The following NEGR1 variants were observed in gnomAD, a reference collection of about 807,000 sequenced individuals.
NEGR1 encodes the protein IgLON family member 4.
NEGR1 carries 10 observed loss-of-function variants against 40.9 expected under a neutral mutation model. The ratio of observed to expected loss-of-function variants is 0.24; its 90% confidence interval spans 0.15 to 0.42. NEGR1 has a LOEUF of 0.42. Among genes scored for constraint, NEGR1 ranks in the 10% least tolerant of loss-of-function variants. The pLI, the probability that NEGR1 is intolerant of heterozygous loss-of-function variation, is 1.00. For missense variants in NEGR1, 352 were observed against 438.9 expected, an observed-to-expected ratio of 0.80 and a Z score of 1.77; for synonymous variants, 185 against 166.8, an observed-to-expected ratio of 1.11 and a Z score of -0.84.
intron 6 of NEGR1, among the ~76,000 whole-genome samples, chr1:71,465,938 A>G (rs1352937246): frequency 6.6e-6 from 1 of 152,062 alleles, no homozygotes; most frequent in Admixed American, 6.6e-5. Flanking sequence ...AAAAATGATT[A>G]TGGCCAGTTT....
At chr1:71,861,326 T>C (rs1344894955) in intron 2 of NEGR1, among the ~76,000 whole-genome samples, 1 of 151,988 alleles carries the variant, frequency 6.6e-6, no homozygotes, top group Non-Finnish European at 1.5e-5. Context: ...TACACTATTA[T>C]TACAATCTAA....
At chr1:71,628,941 C>A (rs1458025894) in intron 4 of NEGR1, among the ~76,000 whole-genome samples, 1 of 152,008 alleles carries the variant, frequency 6.6e-6, no homozygotes, top group Non-Finnish European at 1.5e-5. Flanking sequence ...GCAATTGGAT[C>A]GCTGGGTGAA....
chr1:71,549,056 A>T (rs1002583449), intron 6 of NEGR1, among the ~76,000 whole-genome samples: 10 of 151,710 alleles, frequency 6.6e-5, no homozygotes, highest in African/African-American at 2.4e-4. Flanking sequence ...TGGACACCAG[A>T]GCTATAAATT....
intron 4 of NEGR1, among the ~76,000 whole-genome samples, chr1:71,690,336 T>TC (rs1484451986): frequency 2.6e-5 from 4 of 151,848 alleles, no homozygotes; most frequent in African/African-American, 9.7e-5. Flanking sequence ...AACTTTTTTT[T>TC]CTAGAAGCAC....
intron 1 of NEGR1, among the ~76,000 whole-genome samples, chr1:72,052,556 C>T (rs1234063050): frequency 6.6e-6 from 1 of 151,372 alleles, no homozygotes; most frequent in African/African-American, 2.4e-5. Context: ...CAATTGATGT[C>T]ACAGGTGATG....
chr1:71,953,338 TAA>T lies in NEGR1; in HGVS notation c.177-18029_177-18028del, dbSNP rs1158326091. On this transcript the variant is annotated intron_variant, in intron 1 of 6. Coordinates refer to ENST00000357731, the MANE Select transcript of NEGR1 (RefSeq NM_173808.3). ...TGCGGTGGAAATAGTAAGACAACTA[TAA>T]CTAGAAGTGGAGCCTGAAGATGTGC... 4.8e-3 allele frequency among the ~76,000 whole-genome samples: 723 copies of T among 151,996 alleles called. 6 individuals carry two copies. The highest frequency in any genetic ancestry group is 0.016 in the African/African-American group (659 of 41,516).
At chr1:71,753,451 C>T (rs898394763) in intron 3 of NEGR1, among the ~76,000 whole-genome samples, 2 of 152,142 alleles carry the variant, frequency 1.3e-5, no homozygotes, top group South Asian at 4.1e-4. Flanking sequence ...AAAGTGGCAG[C>T]AGTCAGTGGT....
intron 4 of NEGR1, among the ~76,000 whole-genome samples, chr1:71,631,771 C>A (rs906609095): frequency 6.6e-6 from 1 of 151,588 alleles, no homozygotes; most frequent in Non-Finnish European, 1.5e-5. Context: ...TATTCTTGAC[C>A]CAGGTAACAT....
In NEGR1 at chr1:71,849,746, T is replaced by G. The variant is rs75582055; in HGVS notation, c.410-73449A>C. Among the ~76,000 whole-genome samples, 157 of 152,182 alleles carry G rather than the reference T, an allele frequency of 1.0e-3. 5 individuals are homozygous for G. In the East Asian group the frequency reaches 0.029, roughly 28 times the overall value. ...CCCAACCTTCAGCAACCACCCCCCA[T>G]CAACATGGAGGCAAGATCCTCCACC... On this transcript the variant is annotated intron_variant, in intron 2 of 6. Transcript: ENST00000357731.
At chr1:71,865,133 C>T (rs1660074587) in intron 2 of NEGR1, among the ~76,000 whole-genome samples, 1 of 152,112 alleles carries the variant, frequency 6.6e-6, no homozygotes, top group Admixed American at 6.6e-5. Flanking sequence ...CCAGTGGCCT[C>T]CTGATTGCCA....
chr1:72,090,756 A>G (rs964782404), intron 1 of NEGR1, among the ~76,000 whole-genome samples: 22 of 152,104 alleles, frequency 1.4e-4, no homozygotes, highest in African/African-American at 5.1e-4. Context: ...TGAATTTGGG[A>G]CACCTGCCTG....
intron 1 of NEGR1, among the ~76,000 whole-genome samples, chr1:72,013,235 A>G (rs907926939): frequency 6.6e-6 from 1 of 152,080 alleles, no homozygotes; most frequent in Non-Finnish European, 1.5e-5. Context: ...TTTGTGGGAA[A>G]AAATCCATCC....
At chr1:71,847,574 G>A (rs574007833) in intron 2 of NEGR1, among the ~76,000 whole-genome samples, 16 of 152,158 alleles carry the variant, frequency 1.1e-4, no homozygotes, top group Non-Finnish European at 2.1e-4. Context: ...GGCACCAAAA[G>A]CAGTGCCCAT....
chr1:71,426,633 C>T (rs1646430305), intron 6 of NEGR1, among the ~76,000 whole-genome samples: 1 of 152,170 alleles, frequency 6.6e-6, no homozygotes, highest in African/African-American at 2.4e-5. Context: ...GATTTCCTTA[C>T]TGTGTGCTTA....
chr1:71,852,601 A>G (rs1254335412), intron 2 of NEGR1, among the ~76,000 whole-genome samples: 3 of 152,082 alleles, frequency 2.0e-5, no homozygotes, highest in African/African-American at 7.2e-5. Context: ...TCCAGACAAT[A>G]GACCACAACT....
chr1:71,847,242 C>T (rs990886443), intron 2 of NEGR1, among the ~76,000 whole-genome samples: 1 of 152,178 alleles, frequency 6.6e-6, no homozygotes, highest in Non-Finnish European at 1.5e-5. Flanking sequence ...TTGATATTTA[C>T]TTAATGATAA....
chr1:71,433,023 C>A (rs932407957), intron 6 of NEGR1, among the ~76,000 whole-genome samples: 2 of 152,146 alleles, frequency 1.3e-5, no homozygotes, highest in African/African-American at 4.8e-5. Flanking sequence ...AGAAGTGGAA[C>A]CTTTTAGAAT....
chr1:71,897,986 T>C (rs2101858690), intron 2 of NEGR1, among the ~76,000 whole-genome samples: 1 of 152,334 alleles, frequency 6.6e-6, no homozygotes, highest in East Asian at 1.9e-4. Context: ...CAACAGACAA[T>C]TTTACTTTAC....
intron 4 of NEGR1, among the ~76,000 whole-genome samples, chr1:71,689,044 A>G (rs1468913521): frequency 6.6e-6 from 1 of 152,154 alleles, no homozygotes; most frequent in Non-Finnish European, 1.5e-5. Context: ...CCATTGCATA[A>G]ACAGAATTTC....
Sources: gnomAD v4.1 joint callset for allele counts (sites outside exome capture counted in the v4.1 genomes callset) on GRCh38, gnomAD v4.1.1 for gene constraint, MANE v1.5 for transcripts, NCBI Gene and HGNC (gene_info 2026-07-23, HGNC 2026-07-21) for gene names.